TAF1B: variants seen among roughly 807,000 people sequenced by gnomAD.
TAF1B encodes TATA-box binding protein associated factor, RNA polymerase I subunit B.
Under a neutral mutation model 83.9 loss-of-function variants are expected in TAF1B, and 61 were observed. The ratio of observed to expected loss-of-function variants is 0.73; its 90% CI spans 0.59 to 0.90. TAF1B has a LOEUF of 0.90. Among genes scored for constraint, TAF1B ranks in the 40% least tolerant of loss-of-function variants. The pLI is 0.00. For missense variants in TAF1B, 625 were observed against 677.0 expected (o/e 0.92, Z 0.85); for synonymous variants, 221 against 224.6 (o/e 0.98, Z 0.14).
At chr2:9,892,712 C>T (rs1664907271) in intron 8 of TAF1B, among the ~76,000 whole-genome samples, 1 of 152,124 alleles carries the variant, frequency 6.6e-6, no homozygotes, top group South Asian at 2.1e-4. Flanking sequence ...CATATCTTGG[C>T]TTTTGTGAGT....
upstream of TAF1B, chr2:9,843,473 C>T: frequency 6.6e-7 from 1 of 1,512,284 alleles, no homozygotes. Flanking sequence ...GCTTCTCCAG[C>T]CTTTCCCGGA....
intron 3 of TAF1B, among the ~76,000 whole-genome samples, chr2:9,850,548 T>A (rs1392649240): frequency 6.6e-6 from 1 of 152,166 alleles, no homozygotes; most frequent in Non-Finnish European, 1.5e-5. Context: ...GGAATTGGGT[T>A]AGTTAGCAGA....
At position 9,921,632 on chromosome 2, in the gene TAF1B, C is replaced by A. The variant is rs1665882373; in HGVS notation, c.1565+1812C>A. ...TTTTTTTAATAAGAGTATGTTTTCCCCACTTTCCTTCTGTAGTGTCTTAAT... is the reference window on the plus strand; with the variant it reads ...TTTTTTTAATAAGAGTATGTTTTCCACACTTTCCTTCTGTAGTGTCTTAAT... On this transcript the variant is annotated intron_variant, in intron 14 of 14. Transcript: ENST00000263663. 2.0e-5 allele frequency among the ~76,000 whole-genome samples: 3 copies of A among 152,076 alleles called. No individual in the cohort carries two copies. The South Asian group carries it at 6.2e-4, about 32-fold the overall frequency.
intron 8 of TAF1B, among the ~76,000 whole-genome samples, chr2:9,888,789 G>GTT (rs1558251667): frequency 1.2e-4 from 5 of 41,322 alleles, no homozygotes; most frequent in African/African-American, 4.1e-4. Flanking sequence ...TCTTCTGCTT[G>GTT]GTTTTTTTTT....
chr2:9,903,645 C>G (rs6713616), intron 8 of TAF1B, among the ~76,000 whole-genome samples: 2 of 152,022 alleles, frequency 1.3e-5, no homozygotes, highest in African/African-American at 4.8e-5. Context: ...GACTTAAAAC[C>G]TGGTGTTACT....
chr2:9,932,855 T>C (rs1377146959), intron 14 of TAF1B, among the ~76,000 whole-genome samples: 2 of 152,152 alleles, frequency 1.3e-5, no homozygotes, highest in East Asian at 3.8e-4. Flanking sequence ...ACCGCTTTGT[T>C]TACCTACTCA....
At chr2:9,910,209 C>G (rs557571198) in intron 9 of TAF1B, among the ~76,000 whole-genome samples, 1 of 152,326 alleles carries the variant, frequency 6.6e-6, no homozygotes, top group African/African-American at 2.4e-5. Flanking sequence ...GATTGGAAAG[C>G]TTAAATATAG....
chr2:9,854,371 A>C lies in TAF1B; in HGVS notation c.349A>C (p.Lys117Gln). 1 of 1,614,158 alleles carries C rather than the reference A, an allele frequency of 6.2e-7. No homozygotes were observed. The change falls in exon 5 of 15, where the codon AAG becomes CAG. Residue 117 changes from lysine to glutamine, a missense_variant. Physicochemically the swap from Lys to Gln is moderately conservative, Grantham distance 53 (BLOSUM62 1). Coordinates refer to ENST00000263663, the MANE Select transcript of TAF1B (RefSeq NM_005680.3). ...TTGGAAGCGCTACCTTCAGAAGAGC[A>C]AGCAGGCATATTGTAAGAACCCAGT... Reference protein sequence around the residue: ...NFWKRYLQKSKQAYCKNPVYT... With the variant: ...NFWKRYLQKSQQAYCKNPVYT...
intron 8 of TAF1B, among the ~76,000 whole-genome samples, chr2:9,902,309 A>G (rs1169942684): frequency 6.6e-6 from 1 of 151,378 alleles, no homozygotes; most frequent in Non-Finnish European, 1.5e-5. Flanking sequence ...AGACAGTGTG[A>G]TGAATTTTCA....
chr2:9,864,131 A>G (rs984080956), intron 5 of TAF1B, among the ~76,000 whole-genome samples: 2 of 152,134 alleles, frequency 1.3e-5, no homozygotes, highest in African/African-American at 2.4e-5. Context: ...GACACAAAAA[A>G]CCCTTCGAAA....
At chr2:9,866,318 C>A (rs1663974175) in intron 5 of TAF1B, among the ~76,000 whole-genome samples, 1 of 152,090 alleles carries the variant, frequency 6.6e-6, no homozygotes, top group South Asian at 2.1e-4. Context: ...TTATGCAGCC[C>A]ACAAACACAT....
intron 5 of TAF1B, among the ~76,000 whole-genome samples, chr2:9,865,287 A>G (rs1229926493): frequency 2.0e-5 from 3 of 152,276 alleles, no homozygotes; most frequent in Admixed American, 6.5e-5. Context: ...GCATTCTTAT[A>G]CACCAATAAC....
At chr2:9,916,352 A>G (rs1213362446) in intron 12 of TAF1B, among the ~76,000 whole-genome samples, 1 of 152,218 alleles carries the variant, frequency 6.6e-6, no homozygotes, top group Admixed American at 6.5e-5. Flanking sequence ...AGGCAAGGTA[A>G]AGTCAATTTT....
intron 5 of TAF1B, among the ~76,000 whole-genome samples, chr2:9,865,161 C>A (rs1236651230): frequency 6.6e-6 from 1 of 152,158 alleles, no homozygotes; most frequent in African/African-American, 2.4e-5. Flanking sequence ...TCCCTGTTTG[C>A]AGATGACATG....
intron 14 of TAF1B, among the ~76,000 whole-genome samples, chr2:9,922,419 A>G (rs1023839379): frequency 2.4e-4 from 37 of 151,922 alleles, no homozygotes; most frequent in Non-Finnish European, 4.7e-4. Flanking sequence ...GGGCCTTTGT[A>G]CCTGCTCTGC....
rs1449247585 is a variant in TAF1B at position 9,922,959 on chromosome 2, C to A, written c.1565+3139C>A. On this transcript the variant is annotated intron_variant, in intron 14 of 14. Coordinates refer to ENST00000263663, the MANE Select transcript of TAF1B (RefSeq NM_005680.3). ...AATTTTCTGTTAACTAATGTTATTTCCTGGTCTGGGCTTGGTGGCTCCACC... is the reference window on the plus strand; with the variant it reads ...AATTTTCTGTTAACTAATGTTATTTACTGGTCTGGGCTTGGTGGCTCCACC... Among the ~76,000 whole-genome samples, 6 of 152,132 alleles carry A rather than the reference C, an allele frequency of 3.9e-5. No individual in the cohort carries two copies. The East Asian group carries it at 1.2e-3, about 29-fold the overall frequency.
intron 14 of TAF1B, among the ~76,000 whole-genome samples, chr2:9,931,270 C>T (rs1338754054): frequency 6.6e-6 from 1 of 152,216 alleles, no homozygotes; most frequent in African/African-American, 2.4e-5. Context: ...CCTTGATGGT[C>T]TTTACAATTT....
chr2:9,854,933 A>G (rs961697453), intron 5 of TAF1B, among the ~76,000 whole-genome samples: 1 of 152,114 alleles, frequency 6.6e-6, no homozygotes, highest in African/African-American at 2.4e-5. Context: ...GTAACATTTT[A>G]TTTGGGGTCG....
chr2:9,894,062 T>C (rs926642012), intron 8 of TAF1B, among the ~76,000 whole-genome samples: 1 of 151,388 alleles, frequency 6.6e-6, no homozygotes, highest in Non-Finnish European at 1.5e-5. Context: ...TTTGTTTGTA[T>C]ATGTCTTACA....
Sources: allele counts gnomAD v4.1 joint callset (sites outside exome capture counted in the v4.1 genomes callset), GRCh38; gene constraint gnomAD v4.1.1; transcripts MANE v1.5; gene names NCBI Gene and HGNC (gene_info 2026-07-23, HGNC 2026-07-21).